WWOX: variants seen among roughly 807,000 people sequenced by gnomAD.
The protein encoded by WWOX is WW domain-containing oxidoreductase.
Under a neutral mutation model 46.2 loss-of-function variants are expected in WWOX, and 69 were observed. The observed-to-expected ratio is 1.49, with a 90% CI of 1.23 to 1.82. WWOX has a LOEUF of 1.82. WWOX is among the 40% of genes most tolerant of loss of function. WWOX has a pLI of 0.00. For missense variants in WWOX, 919 were observed against 542.6 expected (o/e 1.69, Z -6.89); for synonymous variants, 359 against 202.6 (o/e 1.77, Z -6.56).
At chr16:78,758,937 CAAAAAA>C (rs56184923) in intron 8 of WWOX, among the ~76,000 whole-genome samples, 1 of 90,158 alleles carries the variant, frequency 1.1e-5, no homozygotes, top group Admixed American at 1.2e-4. Context: ...CCACAAAAGA[CAAAAAA>C]AAAAAAAACA....
At chr16:78,402,411 C>G (rs1358041904) in intron 6 of WWOX, among the ~76,000 whole-genome samples, 2 of 152,128 alleles carry the variant, frequency 1.3e-5, no homozygotes, top group Admixed American at 6.5e-5. Context: ...TACTTTTTGG[C>G]TACTGTAAAA....
Position 78,588,515 on chromosome 16 carries a change from G to T in WWOX, c.1056+155763G>T, listed in dbSNP as rs147012130. On this transcript the variant is annotated intron_variant, in intron 8 of 8. Coordinates refer to ENST00000566780, the MANE Select transcript of WWOX (RefSeq NM_016373.4). Reference sequence around the variant, plus strand: ...GTAGTGGCCTCACAAGTTTCTTGTAGCAGGTCATGAAGAGGAATGAAATAC... The same window carrying T: ...GTAGTGGCCTCACAAGTTTCTTGTATCAGGTCATGAAGAGGAATGAAATAC... Among the ~76,000 whole-genome samples, 3 of 152,254 alleles carry T rather than the reference G, an allele frequency of 2.0e-5. No homozygotes were observed. The East Asian group carries it at 5.8e-4, about 29-fold the overall frequency.
rs139518621 is a variant in WWOX at position 78,765,184 on chromosome 16, G to A, written c.1056+332432G>A. Among the ~76,000 whole-genome samples the A allele has an allele frequency of 1.2e-4, 19 of 152,322 alleles. 1 individual carries two copies. The highest frequency in any genetic ancestry group is 4.1e-4 in the African/African-American group (17 of 41,570). On this transcript the variant is annotated intron_variant, in intron 8 of 8. Transcript: ENST00000566780. ...CCCCACAGTGTGGGGATTGGGGTGG[G>A]ATATGTGACAACAAAGGCATCCCTG...
intron 8 of WWOX, among the ~76,000 whole-genome samples, chr16:78,957,607 G>T (rs562115746): frequency 6.6e-6 from 1 of 152,090 alleles, no homozygotes; most frequent in Non-Finnish European, 1.5e-5. Flanking sequence ...CGTTACTGAG[G>T]TATGTCTCTT....
chr16:78,897,256 A>C (rs1309228508), intron 8 of WWOX: 1 of 150,112 alleles, frequency 6.7e-6, no homozygotes, highest in East Asian at 2.0e-4. Context: ...AAAAAAAAAA[A>C]AAAAAAAAAA....
chr16:78,652,188 G>C (rs188760186), intron 8 of WWOX, among the ~76,000 whole-genome samples: 26 of 151,908 alleles, frequency 1.7e-4, no homozygotes, highest in African/African-American at 6.3e-4. Flanking sequence ...GAGGTGGGCA[G>C]ATCACGAGGT....
intron 8 of WWOX, among the ~76,000 whole-genome samples, chr16:79,041,008 A>G (rs2151410284): frequency 6.6e-6 from 1 of 152,064 alleles, no homozygotes; most frequent in South Asian, 2.1e-4. Context: ...AGACAAGTGC[A>G]TCAGACAAGT....
intron 8 of WWOX, among the ~76,000 whole-genome samples, chr16:78,745,612 A>G (rs1325785523): frequency 9.3e-6 from 1 of 107,620 alleles, no homozygotes; most frequent in African/African-American, 3.7e-5. Context: ...AGGATTTTTT[A>G]TGGTAAACAT....
intron 8 of WWOX, among the ~76,000 whole-genome samples, chr16:78,706,733 A>C (rs1439817884): frequency 2.6e-5 from 4 of 152,294 alleles, no homozygotes; most frequent in South Asian, 2.1e-4. Context: ...TACACATGGT[A>C]CTGACGCAAT....
At chr16:78,854,661 A>G (rs945941691) in intron 8 of WWOX, among the ~76,000 whole-genome samples, 1 of 152,020 alleles carries the variant, frequency 6.6e-6, no homozygotes, top group Non-Finnish European at 1.5e-5. Context: ...GCTGACTGCA[A>G]CCTCCGCCTC....
chr16:78,383,047 A>G (rs965552935), intron 5 of WWOX, among the ~76,000 whole-genome samples: 2 of 150,694 alleles, frequency 1.3e-5, no homozygotes, highest in Admixed American at 6.7e-5. Context: ...CTTGTAAACA[A>G]GCAGATCTTA....
At chr16:78,523,232 A>C (rs2043387452) in intron 8 of WWOX, among the ~76,000 whole-genome samples, 1 of 152,234 alleles carries the variant, frequency 6.6e-6, no homozygotes, top group Non-Finnish European at 1.5e-5. Flanking sequence ...ACGTATCTAA[A>C]CCAAAGGACC....
intron 6 of WWOX, among the ~76,000 whole-genome samples, chr16:78,414,922 A>G (rs927609528): frequency 1.1e-4 from 17 of 152,198 alleles, no homozygotes; most frequent in African/African-American, 4.1e-4. Context: ...ATCTTGGGCA[A>G]GAAAGAATTT....
chr16:78,175,721 C>G (rs945277426), intron 5 of WWOX, among the ~76,000 whole-genome samples: 10 of 152,196 alleles, frequency 6.6e-5, no homozygotes, highest in African/African-American at 2.4e-4. Flanking sequence ...AGCTAAGCCA[C>G]TTCTGAATCC....
At chr16:78,115,439 T>C (rs556679662) in intron 4 of WWOX, among the ~76,000 whole-genome samples, 1 of 152,314 alleles carries the variant, frequency 6.6e-6, no homozygotes, top group South Asian at 2.1e-4. Context: ...CTAAGAGTTT[T>C]TGACCTGGTC....
chr16:78,885,883 G>C (rs546868320), intron 8 of WWOX, among the ~76,000 whole-genome samples: 12 of 151,386 alleles, frequency 7.9e-5, no homozygotes, highest in Admixed American at 7.9e-4. Context: ...TCAGTTTAGA[G>C]TTGAGTTTTA....
intron 5 of WWOX, among the ~76,000 whole-genome samples, chr16:78,224,761 C>G (rs963819361): frequency 6.6e-6 from 1 of 152,190 alleles, no homozygotes; most frequent in African/African-American, 2.4e-5. Flanking sequence ...TTTCCAGTAT[C>G]TTCACTAGGA....
chr16:78,411,681 G>C (rs1400008928), intron 6 of WWOX, among the ~76,000 whole-genome samples: 1 of 152,174 alleles, frequency 6.6e-6, no homozygotes, highest in African/African-American at 2.4e-5. Context: ...GTTTAACTAG[G>C]CTTTAACCAG....
chr16:78,868,885 C>G (rs1036231166), intron 8 of WWOX, among the ~76,000 whole-genome samples: 24 of 152,116 alleles, frequency 1.6e-4, no homozygotes, highest in Non-Finnish European at 2.4e-4. Flanking sequence ...GTCTTTGCAT[C>G]CCTTAGAAAT....
Sources: allele counts gnomAD v4.1 joint callset (sites outside exome capture counted in the v4.1 genomes callset), GRCh38; gene constraint gnomAD v4.1.1; transcripts MANE v1.5; gene names NCBI Gene and HGNC (gene_info 2026-07-23, HGNC 2026-07-21).